Variants in CCDC158 observed in about 807,000 individuals in gnomAD.
CCDC158 encodes coiled-coil domain-containing protein 158.
A neutral mutation model predicts 138.6 loss-of-function variants in CCDC158; 116 were observed. The ratio of observed to expected loss-of-function variants is 0.84; its 90% CI spans 0.72 to 0.98. CCDC158 has a LOEUF of 0.98. CCDC158 is among the 50% of genes least tolerant of loss of function. The pLI, the probability that CCDC158 is intolerant of heterozygous loss-of-function variation, is 0.00. For missense variants in CCDC158, 1,265 were observed against 1,306.1 expected (o/e 0.97, Z 0.48); for synonymous variants, 436 against 442.4 (o/e 0.99, Z 0.18).
intron 21 of CCDC158, among the ~76,000 whole-genome samples, chr4:76,330,667 T>C (rs747322160): frequency 4.6e-4 from 70 of 152,312 alleles, no homozygotes; most frequent in Admixed American, 2.2e-3. Flanking sequence ...CCCTAAACTA[T>C]ACAATATAAC....
chr4:76,364,759 A>G (rs1724493342), intron 12 of CCDC158, among the ~76,000 whole-genome samples: 1 of 152,228 alleles, frequency 6.6e-6, no homozygotes, highest in Non-Finnish European at 1.5e-5. Flanking sequence ...TACTGGCCTT[A>G]GTATCCTGGC....
At position 76,418,058 on chromosome 4, in the gene CCDC158, G is replaced by C. The variant is rs28394012; in HGVS notation, c.-117+2907C>G. 5.4e-3 allele frequency among the ~76,000 whole-genome samples: 818 copies of C among 152,314 alleles called. 7 individuals carry two copies. Among genetic ancestry groups the C allele is most frequent in the African/African-American group, 0.019 (783 of 41,570 alleles). Reference sequence around the variant, plus strand: ...GGTAAAGCTCATGGGGCCTTGAAAAGGCCACATACTGAAGACTTTGGGGCT... The same window carrying C: ...GGTAAAGCTCATGGGGCCTTGAAAACGCCACATACTGAAGACTTTGGGGCT... On this transcript the variant is annotated intron_variant, in intron 1 of 24. Coordinates refer to ENST00000682701, the MANE Select transcript of CCDC158 (RefSeq NM_001394954.1).
intron 16 of CCDC158, 56 bp from the exon 17 acceptor site, chr4:76,351,868 T>G (rs1488433027): frequency 9.2e-7 from 1 of 1,086,574 alleles, no homozygotes. Context: ...CACTTATATT[T>G]TATTAACCTA....
At chr4:76,397,973 T>G (rs1424720879) in intron 3 of CCDC158, among the ~76,000 whole-genome samples, 1 of 152,130 alleles carries the variant, frequency 6.6e-6, no homozygotes, top group African/African-American at 2.4e-5. Context: ...AGCAAAAAAT[T>G]GGGGCCATGC....
chr4:76,365,589 G>T (rs1329291150), intron 12 of CCDC158, among the ~76,000 whole-genome samples: 2 of 152,046 alleles, frequency 1.3e-5, no homozygotes, highest in African/African-American at 4.8e-5. Context: ...CTTCTTCCCG[G>T]GCTTGGAATG....
At chr4:76,407,872 C>T (rs1019462202) in intron 2 of CCDC158, among the ~76,000 whole-genome samples, 1 of 152,114 alleles carries the variant, frequency 6.6e-6, no homozygotes, top group Non-Finnish European at 1.5e-5. Context: ...GGAAACCACA[C>T]TTGTCTACTT....
At position 76,421,008 on chromosome 4, in the gene CCDC158, G is replaced by A. The variant is rs935919157; in HGVS notation, c.-160C>T. 6.6e-6 allele frequency among the ~76,000 whole-genome samples: 1 copy of A among 151,968 alleles called. No individual in the cohort carries two copies. Among genetic ancestry groups the A allele is most frequent in the African/African-American group, 2.4e-5 (1 of 41,402 alleles). On this transcript the variant is annotated 5_prime_UTR_variant, in exon 1 of 25. Transcript: ENST00000682701. Reference sequence around the variant, plus strand: ...CCTAAGACACCGGCCACATCTCCGCGGGGCGCCGGCGGGCGCAGCGGCCCC... The same window carrying A: ...CCTAAGACACCGGCCACATCTCCGCAGGGCGCCGGCGGGCGCAGCGGCCCC...
At chr4:76,315,004 T>C (rs1264591097) in intron 24 of CCDC158, among the ~76,000 whole-genome samples, 3 of 151,972 alleles carry the variant, frequency 2.0e-5, no homozygotes, top group Non-Finnish European at 4.4e-5. Context: ...AGTGGGGAAG[T>C]TTATAGCACG....
At chr4:76,416,390 ACTCT>A (rs1729699835) in intron 1 of CCDC158, among the ~76,000 whole-genome samples, 1 of 151,312 alleles carries the variant, frequency 6.6e-6, no homozygotes, top group Non-Finnish European at 1.5e-5. Flanking sequence ...TTATTTCTAC[ACTCT>A]CTCATCTCCG....
chr4:76,342,076 A>T (rs1010911226), intron 18 of CCDC158, among the ~76,000 whole-genome samples: 9 of 150,090 alleles, frequency 6.0e-5, no homozygotes, highest in Middle Eastern at 3.4e-3. Flanking sequence ...TATTATTATT[A>T]TTTTTTTTTT....
At chr4:76,372,802 A>G (rs1006774125) in intron 9 of CCDC158, among the ~76,000 whole-genome samples, 2 of 152,030 alleles carry the variant, frequency 1.3e-5, no homozygotes, top group Non-Finnish European at 2.9e-5. Context: ...TTGAATATGC[A>G]TTTCTATGAC....
intron 18 of CCDC158, among the ~76,000 whole-genome samples, chr4:76,335,084 AT>A (rs1284278333): frequency 6.6e-6 from 1 of 152,180 alleles, no homozygotes; most frequent in African/African-American, 2.4e-5. Flanking sequence ...ACTGATGGCT[AT>A]CTTACCTGGA....
At chr4:76,338,345 A>C (rs1264615203) in intron 18 of CCDC158, among the ~76,000 whole-genome samples, 1 of 152,174 alleles carries the variant, frequency 6.6e-6, no homozygotes, top group Non-Finnish European at 1.5e-5. Flanking sequence ...CCCCGTCTCT[A>C]CTAAAAATAC....
intron 3 of CCDC158, chr4:76,401,220 A>T (rs1466196468): frequency 2.8e-6 from 1 of 358,944 alleles, no homozygotes; most frequent in Non-Finnish European, 5.5e-6. Context: ...AAAGAAAAAC[A>T]AACTTCTTCG....
chr4:76,318,703 AC>A (rs955367116), intron 24 of CCDC158, among the ~76,000 whole-genome samples: 2 of 152,190 alleles, frequency 1.3e-5, no homozygotes, highest in African/African-American at 4.8e-5. Context: ...AAAGGACATA[AC>A]AAAAAAAGAA....
chr4:76,342,747 A>G (rs1722177118), intron 18 of CCDC158, among the ~76,000 whole-genome samples: 1 of 152,226 alleles, frequency 6.6e-6, no homozygotes, highest in Non-Finnish European at 1.5e-5. Context: ...GGGAGATGGC[A>G]GGCATATGGA....
intron 21 of CCDC158, among the ~76,000 whole-genome samples, chr4:76,330,541 C>A (rs1387878614): frequency 6.6e-6 from 1 of 152,116 alleles, no homozygotes; most frequent in Non-Finnish European, 1.5e-5. Flanking sequence ...GGCTAGTCTG[C>A]ATCCATGGGT....
At chr4:76,344,965 C>A in intron 18 of CCDC158, 8 of 1,491,916 alleles carry the variant, frequency 5.4e-6, no homozygotes, top group Non-Finnish European at 7.5e-6. Flanking sequence ...CTGAAGAAGT[C>A]CTTTTTACTG....
intron 9 of CCDC158, among the ~76,000 whole-genome samples, chr4:76,371,985 T>G (rs561886389): frequency 6.6e-6 from 1 of 151,966 alleles, no homozygotes; most frequent in Non-Finnish European, 1.5e-5. Context: ...TGTAAAGTTT[T>G]TTTTTTTTTT....
Sources: allele counts gnomAD v4.1 joint callset (sites outside exome capture counted in the v4.1 genomes callset), GRCh38; gene constraint gnomAD v4.1.1; transcripts MANE v1.5; gene names NCBI Gene and HGNC (gene_info 2026-07-23, HGNC 2026-07-21).